NGDN: variants seen among roughly 807,000 people sequenced by gnomAD.
The protein encoded by NGDN is EIF4E-binding protein.
In NGDN, 41 loss-of-function variants were observed where a neutral mutation model predicts 45.2. The ratio of observed to expected loss-of-function variants is 0.91; its 90% CI spans 0.71 to 1.18. NGDN has a LOEUF of 1.18. Among genes scored for constraint, NGDN ranks in the 50% most tolerant of loss-of-function variants. NGDN has a pLI of 0.00. For missense variants in NGDN, 402 were observed against 399.9 expected, an observed-to-expected ratio of 1.01 and a Z score of -0.05; for synonymous variants, 137 against 130.9, an observed-to-expected ratio of 1.05 and a Z score of -0.32.
chr14:23,470,376 G>C (rs1394346501), intron 2 of NGDN: 1 of 436,756 alleles, frequency 2.3e-6, no homozygotes, highest in Non-Finnish European at 4.1e-6. Flanking sequence ...CTTGCCCTTT[G>C]GGTGCCCAGG....
chr14:23,472,006 TGTG>T (rs1302398721), intron 3 of NGDN, among the ~76,000 whole-genome samples: 1 of 146,684 alleles, frequency 6.8e-6, no homozygotes, highest in Non-Finnish European at 1.5e-5. Flanking sequence ...GCCTGGGCAA[TGTG>T]GTGAGACCTA....
downstream of NGDN, chr14:23,478,609 A>G (rs1302633725): frequency 2.0e-5 from 3 of 152,966 alleles, no homozygotes; most frequent in African/African-American, 4.8e-5. Flanking sequence ...TTCTTTCTGA[A>G]ATAGCATGAA....
chr14:23,477,804 G>A (rs1010312404), intron 10 of NGDN: 2 of 1,459,510 alleles, frequency 1.4e-6, no homozygotes, highest in Non-Finnish European at 1.8e-6. Context: ...TCCCTAAATA[G>A]AACTGGTAAA....
In NGDN at chr14:23,476,280, G is replaced by A. The variant is rs1007870619; in HGVS notation, c.586G>A (p.Ala196Thr). 3.1e-6 allele frequency: 5 copies of A among 1,614,174 alleles called. No homozygotes were observed. Among genetic ancestry groups the A allele is most frequent in the Non-Finnish European group, 4.2e-6 (5 of 1,180,026 alleles). ...GCGGGAGAAGAAGCGTCTAGAACGA[G>A]CCAAGAGACGGGCATTGAGCAGCTC... ...AEREKKRLER[A>T]KRRALSSSVI... Residue 196 changes from alanine (A) to threonine (T), a missense_variant, in exon 8 of 11, where the codon GCC becomes ACC. By Grantham distance (58) the Ala-to-Thr change is moderately conservative. Transcript: ENST00000408901.
chr14:23,473,222 C>G (rs1595105767), intron 3 of NGDN, among the ~76,000 whole-genome samples: 1 of 152,124 alleles, frequency 6.6e-6, no homozygotes, highest in Admixed American at 6.5e-5. Context: ...TGGTCTCGAA[C>G]TCCTGACCTC....
intron 10 of NGDN, 28 bp from the exon 11 acceptor site, chr14:23,477,979 C>T: frequency 6.2e-7 from 1 of 1,614,144 alleles, no homozygotes; most frequent in South Asian, 1.1e-5. Flanking sequence ...CTGTCCTTTG[C>T]CTCATTCTTG....
intron 3 of NGDN, among the ~76,000 whole-genome samples, chr14:23,472,180 C>CT (rs1302192315): frequency 3.3e-5 from 3 of 90,596 alleles, no homozygotes; most frequent in South Asian, 3.8e-4. Flanking sequence ...GTGAGACTGT[C>CT]TTAAAAAAAA....
At chr14:23,469,952 G>T in intron 1 of NGDN, 90 bp from the exon 2 acceptor site, 1 of 1,397,938 alleles carries the variant, frequency 7.2e-7, no homozygotes, top group Non-Finnish European at 1.0e-6. Flanking sequence ...GTCTGACGGA[G>T]AGAGGGCAGT....
chr14:23,475,519 G>A (rs1329215287), intron 4 of NGDN, 39 bp from the exon 5 acceptor site: 5 of 1,594,884 alleles, frequency 3.1e-6, no homozygotes, highest in Non-Finnish European at 4.3e-6. Context: ...GCTTCATTTT[G>A]GGAAGGAAAT....
At chr14:23,477,756 G>T in intron 10 of NGDN, 196 bp downstream of exon 10, 1 of 1,456,678 alleles carries the variant, frequency 6.9e-7, no homozygotes. Flanking sequence ...TGAATCTCTG[G>T]ATTCTGCCTC....
Position 23,475,398 on chromosome 14 carries a change from C to T in NGDN, c.282+90C>T. ...AGTAGCTCTCATTTAAGTGAGTCTT[C>T]TCATGTTTAAGGAAACCAAATGAGA... On this transcript the variant is annotated intron_variant, in intron 4 of 10. Coordinates refer to ENST00000408901, the MANE Select transcript of NGDN (RefSeq NM_001042635.2). 2.1e-6 allele frequency: 3 copies of T among 1,421,972 alleles called. No homozygotes were observed. The East Asian group carries it at 6.9e-5, about 32-fold the overall frequency. The allele number at this position is 1,421,972 out of a possible 1,614,324, so 88.1% of individuals were successfully genotyped here.
At chr14:23,475,097 C>T (rs1893865564) in intron 3 of NGDN, 74 bp from the exon 4 acceptor site, 12 of 1,467,544 alleles carry the variant, frequency 8.2e-6, no homozygotes, top group South Asian at 4.1e-5. Context: ...AAAAACATCC[C>T]GTTTACCCTA....
chr14:23,474,950 A>C (rs1415093098), intron 3 of NGDN, among the ~76,000 whole-genome samples: 3 of 152,066 alleles, frequency 2.0e-5, no homozygotes, highest in African/African-American at 7.2e-5. Context: ...TCCTCTTCTC[A>C]TTGTCTTCTA....
chr14:23,472,962 A>C (rs374502469), intron 3 of NGDN, among the ~76,000 whole-genome samples: 382 of 152,164 alleles, frequency 2.5e-3, no homozygotes, highest in Non-Finnish European at 3.9e-3. Flanking sequence ...TGCTTCTCAA[A>C]TTCTTACCTG....
intron 1 of NGDN, 83 bp from the exon 2 acceptor site, chr14:23,469,959 C>A: frequency 7.0e-7 from 1 of 1,428,588 alleles, no homozygotes; most frequent in Non-Finnish European, 9.8e-7. Context: ...GGAGAGAGGG[C>A]AGTTTCCCAC....
At chr14:23,477,173 C>A (rs1485219642) in intron 8 of NGDN, 27 bp from the exon 9 acceptor site, 1 of 1,612,510 alleles carries the variant, frequency 6.2e-7, no homozygotes, top group Non-Finnish European at 8.5e-7. Context: ...TGGTCTGAGC[C>A]TGCTGGAAAC....
intron 8 of NGDN, 41 bp from the exon 9 acceptor site, chr14:23,477,159 T>C (rs780490404): frequency 2.5e-6 from 4 of 1,607,478 alleles, no homozygotes; most frequent in Non-Finnish European, 3.4e-6. Flanking sequence ...GCTTTCCATC[T>C]CCATGGTCTG....
In NGDN at chr14:23,478,099, TC is replaced by T; in HGVS notation, c.*76del. 7.1e-7 allele frequency: 1 copy of T among 1,405,122 alleles called. No individual in the cohort carries two copies. The highest frequency in any genetic ancestry group is 1.8e-4 in the Middle Eastern group (1 of 5,642). 87.0% of individuals were successfully genotyped at this position (1,405,122 alleles called of 1,614,324 possible). A position where few individuals can be genotyped will look rare whatever the true frequency, so the allele number is the denominator to read the frequency against. ...TAATTTCATTGTATATAGGTGGTTT[TC>T]CCTGGAATTCATTAATTGTTTGCTT... On this transcript the variant is annotated 3_prime_UTR_variant, in exon 11 of 11. Transcript: ENST00000408901.
rs1307560958 is a variant in NGDN at position 23,476,245 on chromosome 14, CAG to C, written c.553_554del (p.Glu185SerfsTer2). ...GCTTATTTTCATCATGTAGATGAAA[CAG>C]AAGCTGAGCGGGAGAAGAAGCGTCT... On this transcript the variant is annotated frameshift_variant, in exon 8 of 11. Transcript: ENST00000408901. LOFTEE classifies it high-confidence loss of function. The C allele has an allele frequency of 1.9e-6, 3 of 1,613,908 alleles. No homozygotes were observed. The highest frequency in any genetic ancestry group is 2.2e-5 in the East Asian group (1 of 44,894).
Sources: gnomAD v4.1 joint callset for allele counts (sites outside exome capture counted in the v4.1 genomes callset) on GRCh38, gnomAD v4.1.1 for gene constraint, MANE v1.5 for transcripts, NCBI Gene and HGNC (gene_info 2026-07-23, HGNC 2026-07-21) for gene names.